The following PBRM1 variants were observed in gnomAD, a reference collection of about 807,000 sequenced individuals.
The protein encoded by PBRM1 is polybromo 1.
In PBRM1, 27 loss-of-function variants were observed where a neutral mutation model predicts 194.5. The observed-to-expected ratio is 0.14, with a 90% confidence interval of 0.10 to 0.19. The LOEUF is 0.19. Among genes scored for constraint, PBRM1 ranks in the 10% least tolerant of loss-of-function variants. PBRM1 has a pLI of 1.00. For missense variants in PBRM1, 1,466 were observed against 2,077.2 expected, an observed-to-expected ratio of 0.71 and a Z score of 5.72; for synonymous variants, 655 against 693.2, an observed-to-expected ratio of 0.94 and a Z score of 0.87.
chr3:52,672,490 GCTTT>G (rs2096970064), intron 2 of PBRM1, among the ~76,000 whole-genome samples: 1 of 135,434 alleles, frequency 7.4e-6, no homozygotes, highest in African/African-American at 2.7e-5. Context: ...TTTTTTTTTG[GCTTT>G]TTTTTTTTTT....
Position 52,662,310 on chromosome 3 carries a change from T to TTA in PBRM1, c.385-36_385-35dup. The TTA allele has an allele frequency of 1.9e-6, 3 of 1,546,550 alleles. No individual in the cohort carries two copies. The South Asian group carries it at 3.6e-5, about 19-fold the overall frequency. On this transcript the variant is annotated intron_variant, in intron 3 of 29. Transcript: ENST00000296302. The stretch of plus-strand genomic sequence containing the variant: ...TAGCAAAGAGAAAAAAAAAAACACT[T>TTA]TAGTAATGTATTGGAAATTAGTTGC...
At chr3:52,622,973 T>C (rs1158831508) in intron 13 of PBRM1, among the ~76,000 whole-genome samples, 1 of 152,154 alleles carries the variant, frequency 6.6e-6, no homozygotes, top group Non-Finnish European at 1.5e-5. Flanking sequence ...ATCTTCAAAT[T>C]CAGAATCAAA....
chr3:52,671,824 GGAT>G (rs549700904), intron 2 of PBRM1, among the ~76,000 whole-genome samples: 207 of 152,256 alleles, frequency 1.4e-3, no homozygotes, highest in South Asian at 4.6e-3. Flanking sequence ...TCCTAATTCA[GGAT>G]GATGACACTG....
chr3:52,547,357 C>T, downstream of PBRM1: 1 of 233,128 alleles, frequency 4.3e-6, no homozygotes, highest in Non-Finnish European at 8.5e-6. Context: ...TGCTTTTTCC[C>T]CTCCTGGTGT....
At chr3:52,653,762 T>G (rs2096556074) in intron 5 of PBRM1, among the ~76,000 whole-genome samples, 1 of 151,088 alleles carries the variant, frequency 6.6e-6, no homozygotes, top group African/African-American at 2.4e-5. Flanking sequence ...ATACAAAAAT[T>G]AGCTGGGTGT....
intron 24 of PBRM1, among the ~76,000 whole-genome samples, chr3:52,562,281 G>A (rs531102458): frequency 6.3e-4 from 95 of 150,898 alleles, no homozygotes; most frequent in African/African-American, 2.2e-3. Context: ...AAGCCAAGAC[G>A]GCGCCACTGC....
At chr3:52,577,628 A>T (rs2090023034) in intron 21 of PBRM1, among the ~76,000 whole-genome samples, 1 of 152,126 alleles carries the variant, frequency 6.6e-6, no homozygotes, top group Non-Finnish European at 1.5e-5. Context: ...GCTTACACAC[A>T]GGAGTCATCC....
At chr3:52,640,520 C>A (rs1227878556) in intron 10 of PBRM1, among the ~76,000 whole-genome samples, 1 of 151,998 alleles carries the variant, frequency 6.6e-6, no homozygotes, top group African/African-American at 2.4e-5. Flanking sequence ...ATCCTCCCAC[C>A]TAGGCCTCCC....
chr3:52,587,467 T>C (rs1210776108), exon 19 of PBRM1: 3 of 1,612,858 alleles, frequency 1.9e-6, no homozygotes, highest in Non-Finnish European at 2.5e-6. Context: ...GGTGGAATGT[T>C]TCATTTGGTC....
At chr3:52,597,013 T>A (rs961381655) in intron 17 of PBRM1, among the ~76,000 whole-genome samples, 7 of 152,106 alleles carry the variant, frequency 4.6e-5, no homozygotes, top group Admixed American at 3.3e-4. Flanking sequence ...CTGACAATTG[T>A]CCAGTCCACT....
intron 13 of PBRM1, among the ~76,000 whole-genome samples, chr3:52,620,023 AGTTTGTTAGATGATGGCAAAAC>A (rs2095197289): frequency 1.3e-5 from 2 of 152,080 alleles, no homozygotes; most frequent in Admixed American, 6.6e-5. Context: ...CTGTTAGATA[AGTTTGTTAGATGATGGCAAAAC>A]GTTTGTTAGA....
rs193142213 is a variant in PBRM1 at position 52,672,289 on chromosome 3, A to C, written c.237-3644T>G. Among the ~76,000 whole-genome samples the C allele has an allele frequency of 3.4e-3, 518 of 152,210 alleles. 1 individual carries two copies. The highest frequency in any genetic ancestry group is 0.01 in the Middle Eastern group (3 of 294). On this transcript the variant is annotated intron_variant, in intron 2 of 29. Transcript: ENST00000296302. ...TTAAGGACCCTTGTGATTACACTGGACCCACATGGATAATCCAGGATAACC... is the reference window on the plus strand; with the variant it reads ...TTAAGGACCCTTGTGATTACACTGGCCCCACATGGATAATCCAGGATAACC...
chr3:52,641,446 C>CAAAAAAAAAA (rs386396638), intron 10 of PBRM1, among the ~76,000 whole-genome samples: 22 of 69,902 alleles, frequency 3.1e-4, no homozygotes, highest in Non-Finnish European at 4.7e-4. Context: ...GACTCCATCT[C>CAAAAAAAAAA]AAAAAAAAAA....
chr3:52,626,276 A>G (rs1357644627), intron 13 of PBRM1, among the ~76,000 whole-genome samples: 2 of 152,208 alleles, frequency 1.3e-5, no homozygotes, highest in Non-Finnish European at 2.9e-5. Context: ...GGAGACTCAC[A>G]TCTCAGGGTA....
At chr3:52,575,528 T>C (rs75292730) in intron 22 of PBRM1, among the ~76,000 whole-genome samples, 11 of 146,592 alleles carry the variant, frequency 7.5e-5, no homozygotes, top group African/African-American at 2.5e-4. Context: ...TTTTTTTTTT[T>C]TTTTTGAGAC....
At chr3:52,679,324 C>A (rs1263119633) in intron 1 of PBRM1, among the ~76,000 whole-genome samples, 2 of 152,216 alleles carry the variant, frequency 1.3e-5, no homozygotes, top group African/African-American at 4.8e-5. Context: ...GAGAACAGTG[C>A]TTGTCACATG....
At chr3:52,603,433 C>A in intron 17 of PBRM1, 88 bp downstream of exon 19, 1 of 1,382,252 alleles carries the variant, frequency 7.2e-7, no homozygotes, top group Non-Finnish European at 9.8e-7. Flanking sequence ...TTCATTCATA[C>A]AAACAGGACT....
At chr3:52,677,683 G>T (rs2097136281) in intron 2 of PBRM1, among the ~76,000 whole-genome samples, 1 of 152,048 alleles carries the variant, frequency 6.6e-6, no homozygotes, top group Non-Finnish European at 1.5e-5. Flanking sequence ...AAAGTGCTAG[G>T]ATTACAGGAA....
At chr3:52,588,942 T>C (rs2092740442) in intron 18 of PBRM1, 128 bp downstream of exon 20, 4 of 666,262 alleles carry the variant, frequency 6.0e-6, no homozygotes, top group East Asian at 2.7e-5. Flanking sequence ...CTTACATTTA[T>C]TGACATATTG....
Sources: gnomAD v4.1 joint callset for allele counts (sites outside exome capture counted in the v4.1 genomes callset) on GRCh38, gnomAD v4.1.1 for gene constraint, MANE v1.5 for transcripts, NCBI Gene and HGNC (gene_info 2026-07-23, HGNC 2026-07-21) for gene names.